Variants in ACOT13 observed in about 807,000 individuals in gnomAD.
The protein encoded by ACOT13 is acyl-CoA thioesterase 13, also known as acyl-coenzyme A thioesterase 13.
Under a neutral mutation model 11.8 loss-of-function variants are expected in ACOT13, and 10 were observed. The ratio of observed to expected loss-of-function variants is 0.85; its 90% CI spans 0.53 to 1.44. The LOEUF (loss-of-function observed/expected upper bound fraction) is 1.44, where lower values mean the gene tolerates loss of function less well. Ranked by LOEUF, ACOT13 falls within the 40% of genes most tolerant of loss-of-function variation. The probability of loss-of-function intolerance (pLI) is 0.00; values close to 1 mark genes in which losing one functional copy is unlikely to be tolerated. For synonymous variants in ACOT13, 53 were observed against 61.0 expected, an observed-to-expected ratio of 0.87 and a Z score of 0.61; for missense variants, 172 against 174.1, an observed-to-expected ratio of 0.99 and a Z score of 0.07.
chr6:24,704,965 A>G lies in ACOT13; in HGVS notation c.*3350A>G, dbSNP rs1778974972. ...AAATTCCAACCAGAAGCTAAATACA[A>G]TTGGAAACTGGTAAGCACTAGTTTT... On this transcript the variant is annotated 3_prime_UTR_variant, in exon 3 of 3. Coordinates refer to ENST00000230048, the MANE Select transcript of ACOT13 (RefSeq NM_018473.4). The G allele has an allele frequency of 1.3e-5, 2 of 152,046 alleles. No individual in the cohort carries two copies. Among genetic ancestry groups the G allele is most frequent in the African/African-American group, 4.8e-5 (2 of 41,300 alleles). 9.4% of individuals were successfully genotyped at this position (152,046 alleles called of 1,614,324 possible). A position where few individuals can be genotyped will look rare whatever the true frequency, so the allele number is the denominator to read the frequency against.
chr6:24,699,752 TA>T (rs1309372074), intron 2 of ACOT13, among the ~76,000 whole-genome samples: 1 of 152,232 alleles, frequency 6.6e-6, no homozygotes, highest in Non-Finnish European at 1.5e-5. Flanking sequence ...TGATTTTCCC[TA>T]AAAGTCTCTA....
rs1360938667 is a variant in ACOT13, at chr6:24,701,974, G to A, written c.*359G>A. ...GTTCTAATTCTGTTTGGGCTGCTAG[G>A]AACAACAGAAATTTTTCATGGTTCT... On this transcript the variant is annotated 3_prime_UTR_variant, in exon 3 of 3. Coordinates refer to ENST00000230048, the MANE Select transcript of ACOT13 (RefSeq NM_018473.4). 1 of 160,686 alleles carries A rather than the reference G, an allele frequency of 6.2e-6. No homozygotes were observed. Among genetic ancestry groups the A allele is most frequent in the Non-Finnish European group, 1.4e-5 (1 of 73,722 alleles). 10.0% of individuals were successfully genotyped at this position (160,686 alleles called of 1,614,324 possible). A position where few individuals can be genotyped will look rare whatever the true frequency, so the allele number is the denominator to read the frequency against.
intron 1 of ACOT13, among the ~76,000 whole-genome samples, chr6:24,688,236 G>A (rs1778665308): frequency 1.3e-5 from 2 of 151,674 alleles, no homozygotes; most frequent in South Asian, 4.2e-4. Flanking sequence ...AGCATTATTT[G>A]TGATATCAAA....
intron 1 of ACOT13, among the ~76,000 whole-genome samples, chr6:24,677,624 T>G (rs1468862161): frequency 6.6e-6 from 1 of 152,192 alleles, no homozygotes; most frequent in Non-Finnish European, 1.5e-5. Context: ...CTTGCCCCAT[T>G]GGCAAGCTTA....
intron 1 of ACOT13, among the ~76,000 whole-genome samples, chr6:24,692,589 A>G (rs531611482): frequency 6.6e-6 from 1 of 151,982 alleles, no homozygotes; most frequent in Non-Finnish European, 1.5e-5. Context: ...GGCTAATTTT[A>G]AAAAATTTTT....
intron 1 of ACOT13, among the ~76,000 whole-genome samples, chr6:24,694,957 A>T (rs1778772068): frequency 6.6e-6 from 1 of 152,224 alleles, no homozygotes; most frequent in South Asian, 2.1e-4. Flanking sequence ...TCCCAGCCAA[A>T]GTTAGGTAAT....
In ACOT13 at chr6:24,703,354, TAGC is replaced by T. The variant is rs1234595066; in HGVS notation, c.*1745_*1747del. 2 of 152,234 alleles carry T rather than the reference TAGC, an allele frequency of 1.3e-5. No individual in the cohort carries two copies. The highest frequency in any genetic ancestry group is 2.9e-5 in the Non-Finnish European group (2 of 68,048). The allele number at this position is 152,234 out of a possible 1,614,324, so 9.4% of individuals were successfully genotyped here. A position where few individuals can be genotyped will look rare whatever the true frequency, so the allele number is the denominator to read the frequency against. On this transcript the variant is annotated 3_prime_UTR_variant, in exon 3 of 3. Transcript: ENST00000230048. ...AGGGCAGAAGACTCCACAGTAGCAA[TAGC>T]AGCAGTGAGCATACAGGAGTCCCAG...
At chr6:24,671,326 G>T (rs532623134) in intron 1 of ACOT13, among the ~76,000 whole-genome samples, 3 of 152,208 alleles carry the variant, frequency 2.0e-5, no homozygotes, top group African/African-American at 7.2e-5. Flanking sequence ...CATGGATGAA[G>T]CTGGAAACCA....
intron 1 of ACOT13, among the ~76,000 whole-genome samples, chr6:24,679,516 T>C (rs889669731): frequency 2.0e-5 from 3 of 152,182 alleles, no homozygotes; most frequent in African/African-American, 7.2e-5. Context: ...TGGACATCAT[T>C]GCATAATTCA....
At chr6:24,673,427 C>G (rs1778393002) in intron 1 of ACOT13, among the ~76,000 whole-genome samples, 1 of 152,090 alleles carries the variant, frequency 6.6e-6, no homozygotes, top group Admixed American at 6.5e-5. Context: ...CTGGTGCAAT[C>G]TTGGCTCACT....
At chr6:24,698,947 C>T (rs1044073506) in intron 2 of ACOT13, among the ~76,000 whole-genome samples, 3 of 152,178 alleles carry the variant, frequency 2.0e-5, no homozygotes, top group African/African-American at 7.2e-5. Context: ...CTCCCTGTGA[C>T]TACACAGACA....
chr6:24,704,811 G>T lies in ACOT13; in HGVS notation c.*3196G>T, dbSNP rs1039724166. 1 of 152,098 alleles carries T rather than the reference G, an allele frequency of 6.6e-6. No individual in the cohort carries two copies. The highest frequency in any genetic ancestry group is 2.4e-5 in the African/African-American group (1 of 41,426). The allele number at this position is 152,098 out of a possible 1,614,324, so 9.4% of individuals were successfully genotyped here. On this transcript the variant is annotated 3_prime_UTR_variant, in exon 3 of 3. Transcript: ENST00000230048. The stretch of plus-strand genomic sequence containing the variant: ...CACAGACTATGAAATAATTCTCTAA[G>T]GTGACCAGTAACATCAGTGAAATGG...
intron 1 of ACOT13, among the ~76,000 whole-genome samples, chr6:24,675,239 A>G (rs528457563): frequency 6.6e-6 from 1 of 152,324 alleles, no homozygotes. Context: ...TCCTTTGGGT[A>G]TATACCCAGT....
chr6:24,701,500 C>T lies in ACOT13; in HGVS notation c.308C>T (p.Thr103Ile), dbSNP rs539502281. Residue 103 changes from threonine to isoleucine, a missense_variant, in exon 3 of 3, where the codon ACA becomes ATA. Coordinates refer to ENST00000230048, the MANE Select transcript of ACOT13 (RefSeq NM_018473.4). ...PAKLGEDIVI[T>I]AHVLKQGKTL... The stretch of plus-strand genomic sequence containing the variant: ...AAATTAGGAGAAGATATAGTGATTA[C>T]AGCACATGTTCTGAAGCAAGGAAAA... 5 of 1,612,910 alleles carry T rather than the reference C, an allele frequency of 3.1e-6. No homozygotes were observed. The highest frequency in any genetic ancestry group is 2.7e-5 in the African/African-American group (2 of 74,998).
At position 24,672,102 on chromosome 6, in the gene ACOT13, G is replaced by T. The variant is rs913646288; in HGVS notation, c.81+4758G>T. ...TTTATAATTTGATTTTGGAAAGTTT[G>T]TCAAATATCAAATGTTTAAAACACC... On this transcript the variant is annotated intron_variant, in intron 1 of 2. Coordinates refer to ENST00000230048, the MANE Select transcript of ACOT13 (RefSeq NM_018473.4). Among the ~76,000 whole-genome samples the T allele has an allele frequency of 2.0e-5, 3 of 152,160 alleles. No individual in the cohort carries two copies. In the South Asian group the frequency reaches 6.2e-4, roughly 31 times the overall value.
rs1250894956 is a variant in ACOT13, at chr6:24,667,564, A to G, written c.81+220A>G. ...TATCTAAACATAGATAAGTATGGTT[A>G]TGACTCGTGGAGACAGTTCCAAGGC... On this transcript the variant is annotated intron_variant, in intron 1 of 2. Coordinates refer to ENST00000230048, the MANE Select transcript of ACOT13 (RefSeq NM_018473.4). Among the ~76,000 whole-genome samples, 7 of 152,202 alleles carry G rather than the reference A, an allele frequency of 4.6e-5. 1 individual carries two copies. In the East Asian group the frequency reaches 1.3e-3, roughly 29 times the overall value.
intron 1 of ACOT13, among the ~76,000 whole-genome samples, chr6:24,683,467 C>T (rs1778583956): frequency 6.6e-6 from 1 of 151,872 alleles, no homozygotes. Flanking sequence ...CACCAAGAGG[C>T]GGAGTTTGCA....
At chr6:24,679,008 G>T (rs1400137745) in intron 1 of ACOT13, among the ~76,000 whole-genome samples, 1 of 152,222 alleles carries the variant, frequency 6.6e-6, no homozygotes, top group Admixed American at 6.5e-5. Context: ...TGACTCAGAG[G>T]ACCTTCGTCC....
At chr6:24,672,130 A>G (rs1351359162) in intron 1 of ACOT13, among the ~76,000 whole-genome samples, 1 of 152,228 alleles carries the variant, frequency 6.6e-6, no homozygotes, top group African/African-American at 2.4e-5. Flanking sequence ...AAAACACCTG[A>G]TATCACAAAA....
Sources: gnomAD v4.1 joint callset for allele counts (sites outside exome capture counted in the v4.1 genomes callset) on GRCh38, gnomAD v4.1.1 for gene constraint, MANE v1.5 for transcripts, NCBI Gene and HGNC (gene_info 2026-07-23, HGNC 2026-07-21) for gene names.